C9orf85: variants seen among roughly 807,000 people sequenced by gnomAD.
C9orf85 encodes uncharacterized protein C9orf85.
In C9orf85, 16 loss-of-function variants were observed where a neutral mutation model predicts 14.9. The observed-to-expected ratio is 1.08, with a 90% CI of 0.73 to 1.63. The LOEUF is 1.63. C9orf85 is among the 40% of genes most tolerant of loss of function. C9orf85 has a pLI of 0.00. For missense variants in C9orf85, 172 were observed against 186.1 expected, an observed-to-expected ratio of 0.92 and a Z score of 0.44; for synonymous variants, 45 against 56.8, an observed-to-expected ratio of 0.79 and a Z score of 0.93.
intron 2 of C9orf85, among the ~76,000 whole-genome samples, chr9:71,953,355 C>G (rs1822296870): frequency 6.6e-6 from 1 of 152,050 alleles, no homozygotes; most frequent in Non-Finnish European, 1.5e-5. Context: ...AACAGAACTG[C>G]CCTAAATGAG....
Position 71,913,796 on chromosome 9 carries a change from G to C in C9orf85, c.102+1960G>C, listed in dbSNP as rs1224813165. On this transcript the variant is annotated intron_variant, in intron 1 of 3. Transcript: ENST00000334731. Reference sequence around the variant, plus strand: ...ACTTTTCATTGTGCATTTTCTTGGTGTTATCTAATAACTATGTCATTCTGG... The same window carrying C: ...ACTTTTCATTGTGCATTTTCTTGGTCTTATCTAATAACTATGTCATTCTGG... Among the ~76,000 whole-genome samples, 3 of 146,464 alleles carry C rather than the reference G, an allele frequency of 2.0e-5. No homozygotes were observed. In the South Asian group the frequency reaches 6.3e-4, roughly 31 times the overall value.
At chr9:71,962,027 G>C (rs774914584) in intron 2 of C9orf85, among the ~76,000 whole-genome samples, 1 of 152,112 alleles carries the variant, frequency 6.6e-6, no homozygotes, top group Non-Finnish European at 1.5e-5. Context: ...TTAGCTAGGC[G>C]TGGTGACGTG....
intron 1 of C9orf85, chr9:71,918,365 C>A: frequency 9.7e-7 from 1 of 1,030,768 alleles, no homozygotes; most frequent in Non-Finnish European, 1.3e-6. Context: ...TATTGAATAT[C>A]TCAGCTAACC....
chr9:71,981,832 A>G (rs1272010686), intron 3 of C9orf85, among the ~76,000 whole-genome samples: 1 of 152,196 alleles, frequency 6.6e-6, no homozygotes, highest in East Asian at 1.9e-4. Flanking sequence ...TGTGCTGTAA[A>G]GTCAGTTAAA....
intron 1 of C9orf85, among the ~76,000 whole-genome samples, chr9:71,919,039 T>C (rs777120319): frequency 3.3e-5 from 5 of 151,926 alleles, no homozygotes; most frequent in Non-Finnish European, 7.4e-5. Flanking sequence ...GTAGATTTTG[T>C]ATATAAGGTA....
At chr9:71,969,792 CT>C (rs1394430469) in intron 2 of C9orf85, among the ~76,000 whole-genome samples, 1 of 151,846 alleles carries the variant, frequency 6.6e-6, no homozygotes, top group Non-Finnish European at 1.5e-5. Context: ...AAAATATTTT[CT>C]TTTTGTGTGT....
At chr9:71,952,081 T>G (rs1473921410) in intron 2 of C9orf85, among the ~76,000 whole-genome samples, 1 of 152,198 alleles carries the variant, frequency 6.6e-6, no homozygotes, top group Non-Finnish European at 1.5e-5. Context: ...TTCTTTATTC[T>G]GGGCTCAGAA....
intron 1 of C9orf85, among the ~76,000 whole-genome samples, chr9:71,918,756 A>G (rs1827718676): frequency 6.6e-6 from 1 of 152,144 alleles, no homozygotes; most frequent in Non-Finnish European, 1.5e-5. Context: ...ACTGTCTCCC[A>G]TCACCCCCAG....
At chr9:71,932,590 A>G (rs1032815094) in intron 1 of C9orf85, among the ~76,000 whole-genome samples, 2 of 152,206 alleles carry the variant, frequency 1.3e-5, no homozygotes, top group Non-Finnish European at 2.9e-5. Context: ...AGATCATTTC[A>G]TCTTTATGAG....
intron 3 of C9orf85, among the ~76,000 whole-genome samples, chr9:71,979,910 A>G (rs1823065369): frequency 6.6e-6 from 1 of 152,228 alleles, no homozygotes; most frequent in Admixed American, 6.5e-5. Flanking sequence ...TTTAAATTAC[A>G]AATAAATTTT....
At chr9:71,957,962 C>T (rs1173005769) in intron 2 of C9orf85, among the ~76,000 whole-genome samples, 2 of 152,052 alleles carry the variant, frequency 1.3e-5, no homozygotes, top group African/African-American at 4.8e-5. Context: ...TTTGGAAGTG[C>T]AGTCTTTGTA....
intron 3 of C9orf85, among the ~76,000 whole-genome samples, chr9:71,978,486 G>GT (rs993424777): frequency 2.4e-4 from 37 of 151,884 alleles, no homozygotes; most frequent in African/African-American, 6.8e-4. Context: ...TTAAAATATA[G>GT]TTTTTTTTAC....
intron 2 of C9orf85, among the ~76,000 whole-genome samples, chr9:71,947,821 T>C (rs564513285): frequency 1.3e-5 from 2 of 152,292 alleles, no homozygotes; most frequent in East Asian, 3.9e-4. Context: ...TTTTTTTGTA[T>C]TTTTAGTAGA....
At chr9:71,914,976 A>G (rs1202876851) in intron 1 of C9orf85, among the ~76,000 whole-genome samples, 1 of 152,276 alleles carries the variant, frequency 6.6e-6, no homozygotes, top group East Asian at 1.9e-4. Context: ...TCTTTCCCTT[A>G]CTGGAAAGGC....
At chr9:71,977,908 A>T (rs1044599104), downstream of C9orf85, among the ~76,000 whole-genome samples, 9 of 152,154 alleles carry the variant, frequency 5.9e-5, no homozygotes, top group East Asian at 1.5e-3. Context: ...CATCATACCT[A>T]CTGAAAAAAA....
downstream of C9orf85, chr9:71,984,161 T>C (rs936861706): frequency 1.3e-5 from 2 of 152,256 alleles, no homozygotes; most frequent in Non-Finnish European, 2.9e-5. Flanking sequence ...TTGTTCTGTT[T>C]GGGGTTTCTT....
chr9:71,983,530 G>A (rs1431751443), downstream of C9orf85: 4 of 152,146 alleles, frequency 2.6e-5, no homozygotes, highest in African/African-American at 7.2e-5. Flanking sequence ...AGAAACTAAC[G>A]GTGTGGATAA....
intron 2 of C9orf85, among the ~76,000 whole-genome samples, chr9:71,969,749 T>C (rs942401226): frequency 2.6e-5 from 4 of 152,192 alleles, no homozygotes; most frequent in Admixed American, 2.6e-4. Context: ...CTCCGTTTTG[T>C]AAATTTTGAT....
At chr9:71,937,095 G>A (rs929034022) in intron 1 of C9orf85, among the ~76,000 whole-genome samples, 4 of 152,142 alleles carry the variant, frequency 2.6e-5, no homozygotes, top group African/African-American at 7.2e-5. Flanking sequence ...ATTTATCAGC[G>A]CAGTGTTTGT....
Sources: gnomAD v4.1 joint callset for allele counts (sites outside exome capture counted in the v4.1 genomes callset) on GRCh38, gnomAD v4.1.1 for gene constraint, MANE v1.5 for transcripts, NCBI Gene and HGNC (gene_info 2026-07-23, HGNC 2026-07-21) for gene names.